EPB41L1: variants seen among roughly 807,000 people sequenced by gnomAD.
EPB41L1 encodes erythrocyte membrane protein band 4.1 like 1, also known as band 4.1-like protein 1.
In EPB41L1, 29 loss-of-function variants were observed where a neutral mutation model predicts 97.8. The observed-to-expected ratio is 0.30, with a 90% CI of 0.22 to 0.40. EPB41L1 has a LOEUF of 0.40. Ranked by LOEUF, EPB41L1 falls within the 10% of genes least tolerant of loss-of-function variation. EPB41L1 has a pLI of 1.00. For synonymous variants in EPB41L1, 383 were observed against 459.2 expected (o/e 0.83, Z 2.12); for missense variants, 812 against 1,162.3 (o/e 0.70, Z 4.38).
intron 2 of EPB41L1, among the ~76,000 whole-genome samples, chr20:36,129,151 T>G (rs2059089515): frequency 6.8e-6 from 1 of 146,090 alleles, no homozygotes; most frequent in East Asian, 2.0e-4. Flanking sequence ...TGGGTGGGGG[T>G]GAGGGGTGGG....
rs571107774 is a variant in EPB41L1, at chr20:36,171,395, G to T, written c.-14-2369G>T. On this transcript the variant is annotated intron_variant, in intron 1 of 21. Coordinates refer to ENST00000338074, the MANE Select transcript of EPB41L1 (RefSeq NM_012156.2). The stretch of plus-strand genomic sequence containing the variant: ...AGCCTTTATTTAACTATGGCTTTAC[G>T]TTATACCCATAAAGCAGAGAGTAGT... Among the ~76,000 whole-genome samples the T allele has an allele frequency of 2.4e-4, 37 of 152,110 alleles. 1 individual carries two copies. Among genetic ancestry groups the T allele is most frequent in the Non-Finnish European group, 1.5e-5 (1 of 68,030 alleles).
chr20:36,118,358 C>CA (rs1009877629), intron 2 of EPB41L1, among the ~76,000 whole-genome samples: 2,387 of 137,218 alleles, frequency 0.017, 36 homozygotes, highest in South Asian at 0.031. Context: ...GACTCCATCT[C>CA]AAAAAAAAAA....
At chr20:36,217,843 C>G (rs2063535214) in intron 17 of EPB41L1, among the ~76,000 whole-genome samples, 2 of 152,082 alleles carry the variant, frequency 1.3e-5, no homozygotes, top group East Asian at 3.9e-4. Flanking sequence ...TCTCACCTGT[C>G]CCTTGGTAGG....
intron 2 of EPB41L1, among the ~76,000 whole-genome samples, chr20:36,145,575 C>G (rs767954685): frequency 7.2e-5 from 11 of 152,116 alleles, no homozygotes; most frequent in Non-Finnish European, 1.3e-4. Context: ...ACTCCGGTCA[C>G]TGAGTCTTCA....
At chr20:36,215,059 C>G (rs761846802) in intron 17 of EPB41L1, among the ~76,000 whole-genome samples, 3 of 150,470 alleles carry the variant, frequency 2.0e-5, no homozygotes, top group Non-Finnish European at 4.4e-5. Context: ...ACACTAGATC[C>G]CTTCATGATT....
At chr20:36,180,149 C>T (rs1483422825) in intron 5 of EPB41L1, among the ~76,000 whole-genome samples, 2 of 152,196 alleles carry the variant, frequency 1.3e-5, no homozygotes, top group East Asian at 1.9e-4. Flanking sequence ...AAGTCTTGAT[C>T]GCTAGCAAGT....
At chr20:36,119,636 G>T (rs890898131) in intron 2 of EPB41L1, among the ~76,000 whole-genome samples, 1 of 149,392 alleles carries the variant, frequency 6.7e-6, no homozygotes, top group Non-Finnish European at 1.5e-5. Context: ...GAAGGGAAGC[G>T]GAGGGGAGAG....
At chr20:36,107,211 C>CTTTT (rs397864874) in intron 1 of EPB41L1, among the ~76,000 whole-genome samples, 10 of 114,228 alleles carry the variant, frequency 8.8e-5, no homozygotes, top group South Asian at 2.8e-4. Context: ...GAGAATATAC[C>CTTTT]TTTTTTTTTT....
intron 17 of EPB41L1, among the ~76,000 whole-genome samples, chr20:36,218,536 G>A (rs748780790): frequency 6.6e-6 from 1 of 152,202 alleles, no homozygotes; most frequent in Non-Finnish European, 1.5e-5. Context: ...CAAGTCACAT[G>A]GCTTGAAGGT....
Position 36,219,475 on chromosome 20 carries a change from C to T in EPB41L1, c.2356-286C>T, listed in dbSNP as rs1304421744. Among the ~76,000 whole-genome samples the T allele has an allele frequency of 2.0e-5, 3 of 152,142 alleles. No homozygotes were observed. In the East Asian group the frequency reaches 5.8e-4, roughly 29 times the overall value. On this transcript the variant is annotated intron_variant, in intron 18 of 21. Transcript: ENST00000338074. ...GGAGGGCTGTGTTTCCACCTTGGAT[C>T]CTTTTGGTCATTCTTCCATGATGCC...
rs374156841 is a variant in EPB41L1, at chr20:36,161,475, G to GT, written c.-15+6586dup. On this transcript the variant is annotated intron_variant, in intron 1 of 21. Transcript: ENST00000338074. Reference sequence around the variant, plus strand: ...ATTTTTTTGTTTGTTTGTTTTTTGGGTTTTTTTGTTTTGTTTTTGAGATGG... The same window carrying GT: ...ATTTTTTTGTTTGTTTGTTTTTTGGGTTTTTTTTGTTTTGTTTTTGAGATGG... 3.1e-3 allele frequency among the ~76,000 whole-genome samples: 471 copies of GT among 151,684 alleles called. 7 individuals are homozygous for GT. The highest frequency in any genetic ancestry group is 0.011 in the African/African-American group (438 of 41,342).
chr20:36,126,997 T>C (rs1430856211), intron 2 of EPB41L1, among the ~76,000 whole-genome samples: 2 of 152,210 alleles, frequency 1.3e-5, no homozygotes, highest in Non-Finnish European at 1.5e-5. Context: ...GGTGATGAAC[T>C]GATGAACATC....
Position 36,173,453 on chromosome 20 carries a change from C to T in EPB41L1, c.-14-311C>T, listed in dbSNP as rs566425744. On this transcript the variant is annotated intron_variant, in intron 1 of 21. Coordinates refer to ENST00000338074, the MANE Select transcript of EPB41L1 (RefSeq NM_012156.2). ...GCCTGGAGGCGGCCACTGGCAGCCC[C>T]GTGTGCTCCTGGTAGAGCAGGGCTC... is the stretch of plus-strand genomic sequence containing the variant. Among the ~76,000 whole-genome samples, 52 of 152,302 alleles carry T rather than the reference C, an allele frequency of 3.4e-4. No homozygotes were observed. In the East Asian group the frequency reaches 7.6e-3, roughly 22 times the overall value.
chr20:36,221,672 G>A (rs1054319838), intron 19 of EPB41L1, among the ~76,000 whole-genome samples, 192 bp from the exon 20 acceptor site: 3 of 152,190 alleles, frequency 2.0e-5, no homozygotes, highest in Non-Finnish European at 4.4e-5. Context: ...TAGTTTTGGG[G>A]AGTGGTGGCA....
At chr20:36,178,837 A>T (rs1475092894) in intron 5 of EPB41L1, among the ~76,000 whole-genome samples, 165 bp downstream of exon 5, 1 of 152,086 alleles carries the variant, frequency 6.6e-6, no homozygotes, top group African/African-American at 2.4e-5. Flanking sequence ...CGGGTGGATC[A>T]CTTGAGGTCA....
intron 2 of EPB41L1, among the ~76,000 whole-genome samples, chr20:36,145,322 G>A (rs924516155): frequency 1.3e-5 from 2 of 149,534 alleles, no homozygotes; most frequent in South Asian, 2.1e-4. Context: ...CCTGGGAGGT[G>A]AAGGTTGCAG....
chr20:36,135,614 TG>T (rs1339256844), intron 2 of EPB41L1, among the ~76,000 whole-genome samples: 1 of 152,260 alleles, frequency 6.6e-6, no homozygotes, highest in African/African-American at 2.4e-5. Flanking sequence ...TTTCACCTCT[TG>T]CCCCTGCCTC....
At chr20:36,139,490 C>T (rs1180127815) in intron 2 of EPB41L1, among the ~76,000 whole-genome samples, 1 of 152,184 alleles carries the variant, frequency 6.6e-6, no homozygotes, top group African/African-American at 2.4e-5. Flanking sequence ...GTGTAATGCA[C>T]TTCTGTGAAC....
intron 1 of EPB41L1, among the ~76,000 whole-genome samples, chr20:36,164,872 GAT>G (rs1294048479): frequency 6.6e-6 from 1 of 152,008 alleles, no homozygotes; most frequent in African/African-American, 2.4e-5. Context: ...TTTTAGTAGA[GAT>G]AGGGTTTCAC....
Sources: gnomAD v4.1 joint callset for allele counts (sites outside exome capture counted in the v4.1 genomes callset) on GRCh38, gnomAD v4.1.1 for gene constraint, MANE v1.5 for transcripts, NCBI Gene and HGNC (gene_info 2026-07-23, HGNC 2026-07-21) for gene names.